The following ACOT12 variants were observed in gnomAD, a reference collection of about 807,000 sequenced individuals.
The protein encoded by ACOT12 is acyl-CoA thioesterase 12.
Under a neutral mutation model 67.7 loss-of-function variants are expected in ACOT12, and 51 were observed. That is an observed-to-expected ratio of 0.75 (90% CI 0.60 to 0.95). ACOT12 has a LOEUF of 0.95. ACOT12 is among the 40% of genes least tolerant of loss of function. The pLI is 0.00. For missense variants in ACOT12, 734 were observed against 708.1 expected, an observed-to-expected ratio of 1.04 and a Z score of -0.41; for synonymous variants, 251 against 244.6, an observed-to-expected ratio of 1.03 and a Z score of -0.24.
At chr5:81,379,554 C>G (rs1267584082) in intron 2 of ACOT12, among the ~76,000 whole-genome samples, 1 of 152,058 alleles carries the variant, frequency 6.6e-6, no homozygotes. Context: ...TGAGCAGTAA[C>G]CCCATGAGGT....
the ACOT12 span, among the ~76,000 whole-genome samples, chr5:81,324,869 T>G: frequency 1.5e-4 from 23 of 152,282 alleles, no homozygotes; most frequent in South Asian, 6.2e-4. Context: ...ATAGAAGTAT[T>G]GTGGAGTAGT....
At chr5:81,375,101 G>A (rs1440382269) in intron 2 of ACOT12, among the ~76,000 whole-genome samples, 3 of 152,188 alleles carry the variant, frequency 2.0e-5, no homozygotes, top group African/African-American at 7.2e-5. Flanking sequence ...GAAAGGTCAG[G>A]TTACCCACAA....
chr5:81,322,662 A>G, the ACOT12 span, among the ~76,000 whole-genome samples: 1 of 152,192 alleles, frequency 6.6e-6, no homozygotes, highest in African/African-American at 2.4e-5. Context: ...TACTGCTATG[A>G]AGAAATACCT....
intron 3 of ACOT12, among the ~76,000 whole-genome samples, chr5:81,366,551 C>T (rs1760083326): frequency 1.3e-5 from 2 of 152,042 alleles, no homozygotes; most frequent in African/African-American, 2.4e-5. Flanking sequence ...TCAACTCTGT[C>T]AATGTACTGT....
Position 81,330,230 on chromosome 5 carries a change from T to TTAA in ACOT12, c.*163_*164insTTA. The TTAA allele has an allele frequency of 4.4e-6, 3 of 682,638 alleles. No individual in the cohort carries two copies. The highest frequency in any genetic ancestry group is 6.9e-6 in the Non-Finnish European group (3 of 433,578). 42.3% of individuals were successfully genotyped at this position (682,638 alleles called of 1,614,324 possible). A position where few individuals can be genotyped will look rare whatever the true frequency, so the allele number is the denominator to read the frequency against. ...CTCTTTTAATGCTAATCCAAATCAC[T>TTAA]GGTATTTGACTTAAGATGCATTTTG... On this transcript the variant is annotated 3_prime_UTR_variant, in exon 15 of 15. Transcript: ENST00000307624.
chr5:81,338,393 C>G (rs1393101257), intron 11 of ACOT12, among the ~76,000 whole-genome samples: 1 of 152,124 alleles, frequency 6.6e-6, no homozygotes, highest in Non-Finnish European at 1.5e-5. Flanking sequence ...TGAGTGAGTT[C>G]TCATGAGATC....
Position 81,385,778 on chromosome 5 carries a change from A to G in ACOT12, c.176T>C (p.Ile59Thr), listed in dbSNP as rs908095707. 6.2e-7 allele frequency: 1 copy of G among 1,614,112 alleles called. No homozygotes were observed. Among genetic ancestry groups the G allele is most frequent in the Non-Finnish European group, 8.5e-7 (1 of 1,180,004 alleles). The change falls in exon 2 of 15, where the codon ATA becomes ACA. Residue 59 changes from isoleucine (I) to threonine (T), a missense_variant. Transcript: ENST00000307624. ...VSCVTASVDD[I>T]QFEETARVGQ... ...TTACCTAGCTGTCTCCTCAAACTGT[A>G]TGTCATCCACTGAGGCTGTAACGCA...
chr5:81,342,540 G>C (rs980510300), intron 11 of ACOT12, 132 bp downstream of exon 11: 1 of 868,094 alleles, frequency 1.2e-6, no homozygotes, highest in Non-Finnish European at 1.8e-6. Flanking sequence ...AGATGGTTGC[G>C]TCTTAGAAAC....
intron 1 of ACOT12, among the ~76,000 whole-genome samples, chr5:81,387,019 C>CT (rs1760746093): frequency 2.8e-5 from 2 of 71,146 alleles, no homozygotes. Flanking sequence ...TTTTTTTTTT[C>CT]TTTTTTCAGA....
chr5:81,312,709 A>G, the ACOT12 span: 1 of 1,399,800 alleles, frequency 7.1e-7, no homozygotes, highest in Non-Finnish European at 1.0e-6. Flanking sequence ...TTACTTTCTA[A>G]ACCAGGCCCG....
chr5:81,337,289 G>T (rs1459785219), intron 11 of ACOT12, among the ~76,000 whole-genome samples: 1 of 152,194 alleles, frequency 6.6e-6, no homozygotes, highest in African/African-American at 2.4e-5. Flanking sequence ...GTCCTAATCT[G>T]CCCTTGGGGC....
chr5:81,327,504 G>T (rs944938368), downstream of ACOT12, among the ~76,000 whole-genome samples: 5 of 152,108 alleles, frequency 3.3e-5, no homozygotes, highest in Non-Finnish European at 7.4e-5. Flanking sequence ...GCAGTGGCAC[G>T]ATCTCTGCAA....
intron 7 of ACOT12, 30 bp from the exon 8 acceptor site, chr5:81,345,071 A>T (rs760456495): frequency 1.1e-5 from 17 of 1,612,502 alleles, no homozygotes; most frequent in Non-Finnish European, 1.4e-5. Context: ...GCGGTGGGCA[A>T]AGAGGATCTT....
At chr5:81,311,200 T>C in the ACOT12 span, 4 of 1,614,068 alleles carry the variant, frequency 2.5e-6, no homozygotes, top group Non-Finnish European at 3.4e-6. Context: ...GTGGCTTTGC[T>C]CTTTCAATAG....
At position 81,386,502 on chromosome 5, in the gene ACOT12, T is replaced by A. The variant is rs547617264; in HGVS notation, c.128-676A>T. 2.0e-5 allele frequency among the ~76,000 whole-genome samples: 3 copies of A among 151,312 alleles called. No homozygotes were observed. In the South Asian group the frequency reaches 6.3e-4, roughly 32 times the overall value. On this transcript the variant is annotated intron_variant, in intron 1 of 14. Coordinates refer to ENST00000307624, the MANE Select transcript of ACOT12 (RefSeq NM_130767.3). ...ATGTCTGCACGTAATTTGCTCAGAT[T>A]TTTTTTTTATTGTTGGTTTTGCTTT...
chr5:81,373,633 T>C (rs899886156), intron 2 of ACOT12, among the ~76,000 whole-genome samples: 2 of 152,200 alleles, frequency 1.3e-5, no homozygotes, highest in Non-Finnish European at 2.9e-5. Flanking sequence ...AAATTCTCGC[T>C]GCCAGCACAG....
At chr5:81,337,414 C>T (rs1186788194) in intron 11 of ACOT12, among the ~76,000 whole-genome samples, 1 of 152,114 alleles carries the variant, frequency 6.6e-6, no homozygotes, top group African/African-American at 2.4e-5. Flanking sequence ...TATGCTGTAG[C>T]CCCAACCTCC....
chr5:81,382,716 C>T (rs1451684590), intron 2 of ACOT12, among the ~76,000 whole-genome samples: 1 of 151,816 alleles, frequency 6.6e-6, no homozygotes, highest in South Asian at 2.1e-4. Flanking sequence ...GCAGGAGAAT[C>T]GCTTGAACCT....
intron 3 of ACOT12, among the ~76,000 whole-genome samples, chr5:81,367,536 A>T (rs1449192914): frequency 6.6e-6 from 1 of 152,224 alleles, no homozygotes; most frequent in Non-Finnish European, 1.5e-5. Context: ...TCATATTGCA[A>T]ACCCGAGAAA....
Sources: allele counts gnomAD v4.1 joint callset (sites outside exome capture counted in the v4.1 genomes callset), GRCh38; gene constraint gnomAD v4.1.1; transcripts MANE v1.5; gene names NCBI Gene and HGNC (gene_info 2026-07-23, HGNC 2026-07-21).